Variants in MAP3K13 observed in about 807,000 individuals in gnomAD.
MAP3K13 encodes mitogen-activated protein kinase kinase kinase 13, also known as leucine zipper-bearing kinase.
MAP3K13 carries 52 observed loss-of-function variants against 104.0 expected under a neutral mutation model. The ratio of observed to expected loss-of-function variants is 0.50; its 90% confidence interval spans 0.40 to 0.63. The LOEUF (loss-of-function observed/expected upper bound fraction) is 0.63. MAP3K13 is among the 20% of genes least tolerant of loss of function. MAP3K13 has a pLI of 0.00. For synonymous variants in MAP3K13, 394 were observed against 442.2 expected, an observed-to-expected ratio of 0.89 and a Z score of 1.37; for missense variants, 914 against 1,218.5, an observed-to-expected ratio of 0.75 and a Z score of 3.72.
intron 2 of MAP3K13, among the ~76,000 whole-genome samples, chr3:185,317,077 C>G (rs1721704102): frequency 1.3e-5 from 2 of 152,196 alleles, no homozygotes; most frequent in African/African-American, 4.8e-5. Flanking sequence ...CACTCTTTCT[C>G]CATTCACTCT....
chr3:185,371,046 A>C (rs1417927978), intron 1 of MAP3K13, among the ~76,000 whole-genome samples: 1 of 152,226 alleles, frequency 6.6e-6, no homozygotes, highest in Non-Finnish European at 1.5e-5. Context: ...TTGTAAAAAT[A>C]AGATATTATT....
chr3:185,371,879 C>T lies in MAP3K13; in HGVS notation c.-86+8511C>T, dbSNP rs113140236. Among the ~76,000 whole-genome samples, 457 of 152,246 alleles carry T rather than the reference C, an allele frequency of 3.0e-3. 4 individuals carry two copies. The highest frequency in any genetic ancestry group is 0.01 in the African/African-American group (421 of 41,538). On this transcript the variant is annotated intron_variant, in intron 1 of 13. Transcript: ENST00000265026. ...TAAGCCCACTAAGGCTCCTTATTAC[C>T]CTGAGGCATTGTGCCTGCATTTTTA...
At chr3:185,340,461 GGA>G (rs1409891898) in intron 2 of MAP3K13, among the ~76,000 whole-genome samples, 1 of 152,172 alleles carries the variant, frequency 6.6e-6, no homozygotes, top group Non-Finnish European at 1.5e-5. Context: ...AGACGCATCA[GGA>G]ATGGCTTTAG....
At chr3:185,432,439 C>T (rs1036680318) in intron 2 of MAP3K13, among the ~76,000 whole-genome samples, 12 of 152,144 alleles carry the variant, frequency 7.9e-5, no homozygotes, top group Non-Finnish European at 1.8e-4. Context: ...GATCTACCTG[C>T]CTCGGCCTTC....
At chr3:185,386,443 A>G (rs1711695502) in intron 1 of MAP3K13, among the ~76,000 whole-genome samples, 1 of 152,192 alleles carries the variant, frequency 6.6e-6, no homozygotes, top group Admixed American at 6.5e-5. Flanking sequence ...AGAAAAGGGA[A>G]TGCTCTGATA....
intron 9 of MAP3K13, 73 bp downstream of exon 9, chr3:185,465,936 T>C: frequency 9.4e-7 from 1 of 1,066,262 alleles, no homozygotes; most frequent in Non-Finnish European, 1.5e-6. Context: ...TACCCTTCCA[T>C]GTTGCTGCTA....
intron 1 of MAP3K13, chr3:185,417,913 A>G (rs1713879442): frequency 6.2e-7 from 1 of 1,604,256 alleles, no homozygotes; most frequent in Non-Finnish European, 8.5e-7. Context: ...GATTCTGCTA[A>G]GATCTGTATT....
At chr3:185,388,130 A>C (rs1244355988) in intron 1 of MAP3K13, among the ~76,000 whole-genome samples, 1 of 152,142 alleles carries the variant, frequency 6.6e-6, no homozygotes, top group Non-Finnish European at 1.5e-5. Flanking sequence ...CTACCAAAAA[A>C]AAAAAAATCC....
intron 1 of MAP3K13, among the ~76,000 whole-genome samples, chr3:185,415,878 C>T (rs192416346): frequency 2.6e-5 from 4 of 152,130 alleles, no homozygotes; most frequent in South Asian, 2.1e-4. Flanking sequence ...CCACTGCTCC[C>T]GGCCAATTTT....
intron 2 of MAP3K13, among the ~76,000 whole-genome samples, chr3:185,349,613 C>G (rs2108729726): frequency 6.6e-6 from 1 of 152,270 alleles, no homozygotes; most frequent in South Asian, 2.1e-4. Context: ...ACCCTTAATT[C>G]CATCCCAGCC....
At chr3:185,369,578 A>G (rs1188226672) in intron 1 of MAP3K13, among the ~76,000 whole-genome samples, 2 of 152,212 alleles carry the variant, frequency 1.3e-5, no homozygotes, top group East Asian at 3.9e-4. Context: ...TAGTATCACC[A>G]CTGAGAATCA....
intron 1 of MAP3K13, chr3:185,417,701 C>T (rs2108792370): frequency 1.2e-6 from 2 of 1,612,534 alleles, no homozygotes; most frequent in South Asian, 2.2e-5. Flanking sequence ...GCTGGTAGTG[C>T]TGCTGCTGCA....
intron 2 of MAP3K13, among the ~76,000 whole-genome samples, chr3:185,294,197 T>C (rs1215407257): frequency 6.6e-6 from 1 of 152,196 alleles, no homozygotes; most frequent in Non-Finnish European, 1.5e-5. Flanking sequence ...TTTAGTTTAA[T>C]GATTTAAGAT....
At position 185,292,995 on chromosome 3, in the gene MAP3K13, T is replaced by C. The variant is rs73052852; in HGVS notation, c.-86+7352T>C. 1.8e-3 allele frequency: 1,806 copies of C among 985,268 alleles called. 9 individuals carry two copies. Among genetic ancestry groups the C allele is most frequent in the African/African-American group, 0.016 (933 of 57,350 alleles). The allele number at this position is 985,268 out of a possible 1,614,324, so 61.0% of individuals were successfully genotyped here. Reference sequence around the variant, plus strand: ...ATCCCACGTGGTAAGAATAAAAAATTGTTTTAGTTATATGTACAAATGTGT... The same window carrying C: ...ATCCCACGTGGTAAGAATAAAAAATCGTTTTAGTTATATGTACAAATGTGT... On this transcript the variant is annotated intron_variant, in intron 2 of 14. Coordinates refer to the MAP3K13 transcript ENST00000424227.
rs760164559 is a variant in MAP3K13, at chr3:185,473,040, C to A, written c.1709C>A (p.Ser570Tyr). 1.2e-6 allele frequency: 2 copies of A among 1,614,054 alleles called. No individual in the cohort carries two copies. Among genetic ancestry groups the A allele is most frequent in the Non-Finnish European group, 1.7e-6 (2 of 1,180,038 alleles). Residue 570 changes from serine (S) to tyrosine (Y), a missense_variant, in exon 11 of 14, where the codon TCC becomes TAC. Coordinates refer to ENST00000265026, the MANE Select transcript of MAP3K13 (RefSeq NM_004721.5). This position sits in a 1 kb window ranked among gnomAD's most constrained non-coding sequence, Gnocchi z 4.9. ...TEVAPTASPL[S>Y]GSPKMSTSSS... ...GTGGCTCCCACTGCATCCCCTTTGT[C>A]CGGAAGTCCCAAAATGTCCACTTCT... is the stretch of plus-strand genomic sequence containing the variant.
intron 10 of MAP3K13, among the ~76,000 whole-genome samples, chr3:185,467,910 A>G (rs1438010047): frequency 6.6e-6 from 1 of 152,102 alleles, no homozygotes; most frequent in Non-Finnish European, 1.5e-5. Flanking sequence ...GGGAGGCCTC[A>G]GGAAACTTAT....
chr3:185,434,965 T>G (rs1275367744), intron 2 of MAP3K13, among the ~76,000 whole-genome samples: 1 of 151,992 alleles, frequency 6.6e-6, no homozygotes, highest in Non-Finnish European at 1.5e-5. Flanking sequence ...AAAATGACAC[T>G]GAGGTTTTTT....
rs540487580 is a variant in MAP3K13 at position 185,326,603 on chromosome 3, A to G, written c.-86+40960A>G. ...ATTGTGCCCGTTTTACAGATGAGTC[A>G]GCTGAGACCCAGAGAGGTTAAGCAA... On this transcript the variant is annotated intron_variant, in intron 2 of 14. Coordinates refer to the MAP3K13 transcript ENST00000424227. Among the ~76,000 whole-genome samples, 10 of 152,274 alleles carry G rather than the reference A, an allele frequency of 6.6e-5. No homozygotes were observed. The South Asian group carries it at 1.2e-3, about 19-fold the overall frequency.
At chr3:185,417,886 A>G in intron 1 of MAP3K13, 2 of 1,603,858 alleles carry the variant, frequency 1.2e-6, no homozygotes, top group Non-Finnish European at 1.7e-6. Flanking sequence ...GGCTCTTTGG[A>G]TCTCTGGGCT....
Sources: allele counts gnomAD v4.1 joint callset (sites outside exome capture counted in the v4.1 genomes callset), GRCh38; gene constraint gnomAD v4.1.1; non-coding constraint Gnocchi (gnomAD v3.1); transcripts MANE v1.5; gene names NCBI Gene and HGNC (gene_info 2026-07-23, HGNC 2026-07-21).